Variants in DLGAP2 observed in about 807,000 individuals in gnomAD.
The protein encoded by DLGAP2 is disks large-associated protein 2.
In DLGAP2, 26 loss-of-function variants were observed where a neutral mutation model predicts 100.3. The ratio of observed to expected loss-of-function variants is 0.26; its 90% CI spans 0.19 to 0.36. DLGAP2 has a LOEUF of 0.36. Ranked by LOEUF, DLGAP2 falls within the 10% of genes least tolerant of loss-of-function variation. DLGAP2 has a pLI of 1.00. For synonymous variants in DLGAP2, 886 were observed against 630.1 expected, an observed-to-expected ratio of 1.41 and a Z score of -6.08; for missense variants, 1,858 against 1,453.2, an observed-to-expected ratio of 1.28 and a Z score of -4.53.
chr8:1,031,446 C>G (rs987853202), intron 2 of DLGAP2, among the ~76,000 whole-genome samples: 1 of 151,926 alleles, frequency 6.6e-6, no homozygotes, highest in African/African-American at 2.4e-5. Flanking sequence ...GGGCCTCACT[C>G]TGTCACCCAA....
intron 6 of DLGAP2, among the ~76,000 whole-genome samples, chr8:1,567,827 T>G (rs1391068063): frequency 6.6e-6 from 1 of 152,180 alleles, no homozygotes; most frequent in Non-Finnish European, 1.5e-5. Flanking sequence ...ACCTAAACAC[T>G]GGCCAGACCC....
intron 2 of DLGAP2, among the ~76,000 whole-genome samples, chr8:969,041 C>T (rs1799949794): frequency 6.6e-6 from 1 of 152,152 alleles, no homozygotes. Flanking sequence ...ATGGGGTTCC[C>T]AGGCATCAGT....
In DLGAP2 at chr8:1,017,647, A is replaced by G. The variant is rs75665035; in HGVS notation, c.73+109681A>G. Among the ~76,000 whole-genome samples the G allele has an allele frequency of 2.3e-3, 312 of 138,100 alleles. 3 individuals carry two copies. Among genetic ancestry groups the G allele is most frequent in the African/African-American group, 5.6e-3 (220 of 39,006 alleles). 90.6% of individuals were successfully genotyped at this position (138,100 alleles called of 152,430 possible). A position where few individuals can be genotyped will look rare whatever the true frequency, so the allele number is the denominator to read the frequency against. The stretch of plus-strand genomic sequence containing the variant: ...TGTGTGTGTGACCGGGACAGATGAC[A>G]CCTCCACTGTGTGTGACCAGGAGCC... On this transcript the variant is annotated intron_variant, in intron 2 of 14. Transcript: ENST00000637795.
intron 3 of DLGAP2, among the ~76,000 whole-genome samples, chr8:1,444,173 A>G (rs1188319361): frequency 6.6e-6 from 1 of 151,702 alleles, no homozygotes; most frequent in African/African-American, 2.4e-5. Context: ...ACAGCCTTGA[A>G]CTCCTGGCCT....
At chr8:1,649,309 A>G (rs1398111872) in intron 8 of DLGAP2, among the ~76,000 whole-genome samples, 3 of 37,898 alleles carry the variant, frequency 7.9e-5, no homozygotes, top group Non-Finnish European at 5.4e-5. Context: ...AGAATACTCA[A>G]TACCCAGTGT....
At chr8:1,426,452 C>T (rs758627154) in intron 3 of DLGAP2, among the ~76,000 whole-genome samples, 1 of 152,124 alleles carries the variant, frequency 6.6e-6, no homozygotes, top group African/African-American at 2.4e-5. Flanking sequence ...GAGACTCCAA[C>T]AAGTTAGCAG....
At chr8:1,307,349 A>G (rs1259645207) in intron 3 of DLGAP2, among the ~76,000 whole-genome samples, 1 of 152,236 alleles carries the variant, frequency 6.6e-6, no homozygotes, top group Non-Finnish European at 1.5e-5. Flanking sequence ...TTGTAAAACA[A>G]CAACAATGAA....
chr8:1,003,611 C>T (rs11783057), intron 2 of DLGAP2, among the ~76,000 whole-genome samples: 27,316 of 152,212 alleles, frequency 0.18, 2,700 homozygotes, highest in Non-Finnish European at 0.22. Context: ...CTCAGCTGGG[C>T]GGCTCTTCTG....
chr8:811,199 C>T (rs1366975005), intron 1 of DLGAP2, among the ~76,000 whole-genome samples: 7 of 152,234 alleles, frequency 4.6e-5, no homozygotes, highest in African/African-American at 1.4e-4. Flanking sequence ...TCTGTGAAAC[C>T]GGAGAAGGGG....
chr8:1,494,766 C>T (rs1799495981), intron 3 of DLGAP2, among the ~76,000 whole-genome samples: 1 of 152,038 alleles, frequency 6.6e-6, no homozygotes. Context: ...CGAGGTGCCA[C>T]TCAATGCAGC....
At chr8:1,130,461 C>T (rs566530612) in intron 2 of DLGAP2, among the ~76,000 whole-genome samples, 5 of 152,264 alleles carry the variant, frequency 3.3e-5, no homozygotes, top group African/African-American at 1.2e-4. Flanking sequence ...GCATGAACCG[C>T]CGTACGCTTG....
intron 2 of DLGAP2, 33 bp downstream of exon 2, chr8:907,999 A>C (rs568391739): frequency 7.5e-6 from 3 of 398,784 alleles, no homozygotes; most frequent in Non-Finnish European, 1.3e-5. Flanking sequence ...ATTTGGGATT[A>C]TATGTTTCGT....
chr8:774,366 G>C (rs1297292635), intron 1 of DLGAP2, among the ~76,000 whole-genome samples: 1 of 152,152 alleles, frequency 6.6e-6, no homozygotes. Flanking sequence ...GATCCCATTT[G>C]TCAATTTTGG....
At chr8:1,163,750 G>C (rs1441846777) in intron 2 of DLGAP2, among the ~76,000 whole-genome samples, 1 of 152,216 alleles carries the variant, frequency 6.6e-6, no homozygotes. Context: ...CGCGGCCGCC[G>C]CGGGTGCAGG....
chr8:1,207,219 T>C (rs1479644159), intron 2 of DLGAP2, among the ~76,000 whole-genome samples: 2 of 152,224 alleles, frequency 1.3e-5, no homozygotes, highest in South Asian at 2.1e-4. Flanking sequence ...TGTAGTCTTT[T>C]ATCCTCCACC....
At chr8:1,680,033 G>T (rs1015802613) in intron 12 of DLGAP2, among the ~76,000 whole-genome samples, 1 of 146,300 alleles carries the variant, frequency 6.8e-6, no homozygotes, top group South Asian at 2.2e-4. Context: ...ATTATAAATT[G>T]CTGTATTTGA....
chr8:875,495 G>C (rs1301936145), intron 1 of DLGAP2, among the ~76,000 whole-genome samples: 1 of 152,072 alleles, frequency 6.6e-6, no homozygotes, highest in African/African-American at 2.4e-5. Context: ...CCTTTCCCTC[G>C]GCTCTCATTC....
intron 1 of DLGAP2, among the ~76,000 whole-genome samples, chr8:761,450 A>G (rs1179418075): frequency 6.6e-6 from 1 of 152,238 alleles, no homozygotes; most frequent in African/African-American, 2.4e-5. Flanking sequence ...TATTCACGTA[A>G]TAATGGCCGG....
intron 2 of DLGAP2, among the ~76,000 whole-genome samples, chr8:1,071,883 A>G (rs1393797026): frequency 6.6e-6 from 1 of 152,220 alleles, no homozygotes; most frequent in Non-Finnish European, 1.5e-5. Flanking sequence ...TGCAAGCTGC[A>G]GGAGGCTCCC....
Sources: allele counts gnomAD v4.1 joint callset (sites outside exome capture counted in the v4.1 genomes callset), GRCh38; gene constraint gnomAD v4.1.1; transcripts MANE v1.5; gene names NCBI Gene and HGNC (gene_info 2026-07-23, HGNC 2026-07-21).